The following ROBO1 variants were observed in gnomAD, a reference collection of about 807,000 sequenced individuals.
The protein encoded by ROBO1 is roundabout guidance receptor 1, also known as roundabout homolog 1.
ROBO1 carries 149 observed loss-of-function variants against 195.9 expected under a neutral mutation model. The ratio of observed to expected loss-of-function variants is 0.76; its 90% CI spans 0.67 to 0.87. The LOEUF (loss-of-function observed/expected upper bound fraction) is 0.87, where lower values mean the gene tolerates loss of function less well. Ranked by LOEUF, ROBO1 falls within the 40% of genes least tolerant of loss-of-function variation. ROBO1 has a pLI of 0.00. For missense variants in ROBO1, 1,933 were observed against 2,068.3 expected (o/e 0.93, Z 1.27); for synonymous variants, 816 against 733.2 (o/e 1.11, Z -1.82).
chr3:79,293,081 G>A (rs1425514646), intron 2 of ROBO1, among the ~76,000 whole-genome samples: 3 of 152,050 alleles, frequency 2.0e-5, no homozygotes, highest in African/African-American at 4.8e-5. Context: ...TCAGGGATTC[G>A]TCTTCTTCCT....
rs182443853 is a variant in ROBO1 at position 79,114,458 on chromosome 3, C to T, written c.172+10998G>A. Among the ~76,000 whole-genome samples, 50 of 152,270 alleles carry T rather than the reference C, an allele frequency of 3.3e-4. 2 individuals are homozygous for T. The East Asian group carries it at 9.1e-3, about 28-fold the overall frequency. On this transcript the variant is annotated intron_variant, in intron 3 of 30. Transcript: ENST00000464233. ...CTATGTTACCTAAGAGCTACATCAA[C>T]TCTCTGTTCTTTATTCCTCTGGGAT...
chr3:78,927,027 T>A (rs1350556756), intron 4 of ROBO1, among the ~76,000 whole-genome samples: 2 of 150,746 alleles, frequency 1.3e-5, no homozygotes, highest in Non-Finnish European at 3.0e-5. Context: ...TGACAAGAGG[T>A]AAATTATATC....
intron 1 of ROBO1, among the ~76,000 whole-genome samples, chr3:79,723,706 T>C (rs1233162547): frequency 1.3e-5 from 2 of 152,182 alleles, no homozygotes; most frequent in Non-Finnish European, 2.9e-5. Flanking sequence ...ATAAAAATTA[T>C]TTCAATTTAA....
chr3:78,885,268 G>A (rs977808783), intron 4 of ROBO1, among the ~76,000 whole-genome samples: 3 of 151,922 alleles, frequency 2.0e-5, no homozygotes, highest in East Asian at 1.9e-4. Context: ...TGGGGTGGAG[G>A]GTGGAAGGAG....
At chr3:79,160,077 T>C (rs2080928747) in intron 2 of ROBO1, among the ~76,000 whole-genome samples, 2 of 152,034 alleles carry the variant, frequency 1.3e-5, no homozygotes, top group Non-Finnish European at 2.9e-5. Context: ...TGATGCAAAA[T>C]ATTCCACTTG....
intron 2 of ROBO1, among the ~76,000 whole-genome samples, chr3:79,236,713 A>C (rs1285642169): frequency 6.6e-6 from 1 of 152,232 alleles, no homozygotes; most frequent in African/African-American, 2.4e-5. Flanking sequence ...GCTCTGTGGT[A>C]TGCATAAGCT....
intron 2 of ROBO1, among the ~76,000 whole-genome samples, chr3:79,447,432 C>A (rs2039298867): frequency 6.6e-6 from 1 of 152,172 alleles, no homozygotes; most frequent in Non-Finnish European, 1.5e-5. Context: ...TTCACCAATG[C>A]ATATTTAGCT....
chr3:79,113,407 A>C (rs2079928992), intron 3 of ROBO1, among the ~76,000 whole-genome samples: 2 of 152,060 alleles, frequency 1.3e-5, no homozygotes, highest in African/African-American at 2.4e-5. Context: ...TAATAGAAAG[A>C]AGCTTTTAGA....
intron 5 of ROBO1, among the ~76,000 whole-genome samples, chr3:78,719,270 C>T (rs1045112055): frequency 6.6e-6 from 1 of 152,024 alleles, no homozygotes; most frequent in African/African-American, 2.4e-5. Flanking sequence ...ACGTAAACTA[C>T]TATTGTTAGT....
chr3:79,471,785 G>A (rs1378715654), intron 2 of ROBO1, among the ~76,000 whole-genome samples: 1 of 152,050 alleles, frequency 6.6e-6, no homozygotes, highest in Non-Finnish European at 1.5e-5. Context: ...GTCCTTTGCA[G>A]GGACATGGAT....
intron 4 of ROBO1, among the ~76,000 whole-genome samples, chr3:78,921,890 G>A (rs1221367335): frequency 1.3e-5 from 2 of 151,652 alleles, no homozygotes; most frequent in Non-Finnish European, 2.9e-5. Context: ...GGGTTCAAGC[G>A]ATTCCCCTTC....
intron 1 of ROBO1, among the ~76,000 whole-genome samples, chr3:79,668,715 A>G (rs923117664): frequency 2.0e-5 from 3 of 151,836 alleles, no homozygotes; most frequent in African/African-American, 7.2e-5. Flanking sequence ...ATAAATATAA[A>G]GAGAGAAATG....
intron 1 of ROBO1, among the ~76,000 whole-genome samples, chr3:79,691,486 C>T (rs1475346347): frequency 6.6e-6 from 1 of 151,046 alleles, no homozygotes; most frequent in Non-Finnish European, 1.5e-5. Context: ...ATATGTTTAG[C>T]CATGAGATAT....
chr3:78,865,760 C>T (rs2035137181), intron 4 of ROBO1, among the ~76,000 whole-genome samples: 1 of 151,980 alleles, frequency 6.6e-6, no homozygotes, highest in Non-Finnish European at 1.5e-5. Context: ...CATGAGCCAC[C>T]GTGCCTGGCC....
intron 2 of ROBO1, among the ~76,000 whole-genome samples, chr3:79,582,130 A>G (rs1943681332): frequency 6.6e-6 from 1 of 151,842 alleles, no homozygotes; most frequent in Non-Finnish European, 1.5e-5. Context: ...TTTTAAAATC[A>G]AAAAGAAATC....
intron 1 of ROBO1, among the ~76,000 whole-genome samples, chr3:79,764,580 C>A (rs1704884398): frequency 6.6e-6 from 1 of 152,184 alleles, no homozygotes; most frequent in South Asian, 2.1e-4. Flanking sequence ...AAATTCACAT[C>A]TTTGTGGTGT....
At chr3:79,284,947 A>G (rs1217637848) in intron 2 of ROBO1, among the ~76,000 whole-genome samples, 1 of 152,168 alleles carries the variant, frequency 6.6e-6, no homozygotes, top group Non-Finnish European at 1.5e-5. Flanking sequence ...AGTACTATTT[A>G]GTCAAACATT....
At chr3:79,275,708 A>T (rs2030974338) in intron 2 of ROBO1, among the ~76,000 whole-genome samples, 1 of 152,040 alleles carries the variant, frequency 6.6e-6, no homozygotes, top group Non-Finnish European at 1.5e-5. Context: ...TTGGCAGATA[A>T]TATGATCTCA....
chr3:79,712,569 A>G (rs1275636666), intron 1 of ROBO1, among the ~76,000 whole-genome samples: 2 of 152,170 alleles, frequency 1.3e-5, no homozygotes, highest in African/African-American at 4.8e-5. Flanking sequence ...TGCAAGGTGA[A>G]GCAGCTAACG....
Sources: gnomAD v4.1 joint callset for allele counts (sites outside exome capture counted in the v4.1 genomes callset) on GRCh38, gnomAD v4.1.1 for gene constraint, MANE v1.5 for transcripts, NCBI Gene and HGNC (gene_info 2026-07-23, HGNC 2026-07-21) for gene names.